Variants in RIMS2 observed in about 807,000 individuals in gnomAD.
RIMS2 encodes the protein regulating synaptic membrane exocytosis 2, also known as regulating synaptic membrane exocytosis protein 2.
Under a neutral mutation model 174.4 loss-of-function variants are expected in RIMS2, and 59 were observed. The ratio of observed to expected loss-of-function variants is 0.34; its 90% CI spans 0.27 to 0.42. The LOEUF (loss-of-function observed/expected upper bound fraction) is 0.42, where lower values mean the gene tolerates loss of function less well. RIMS2 is among the 10% of genes least tolerant of loss of function. RIMS2 has a pLI of 1.00. For missense variants in RIMS2, 1,620 were observed against 1,666.3 expected (o/e 0.97, Z 0.48); for synonymous variants, 606 against 572.5 (o/e 1.06, Z -0.84).
intron 19 of RIMS2, among the ~76,000 whole-genome samples, chr8:104,132,982 G>T (rs1468755265): frequency 6.6e-6 from 1 of 152,154 alleles, no homozygotes; most frequent in East Asian, 1.9e-4. Context: ...TAATTCTGAT[G>T]CAGGTTAAAG....
At chr8:103,791,761 G>C (rs1262526113) in intron 3 of RIMS2, among the ~76,000 whole-genome samples, 1 of 151,962 alleles carries the variant, frequency 6.6e-6, no homozygotes, top group Non-Finnish European at 1.5e-5. Context: ...AAAAGGTAGG[G>C]GTTGCAATCC....
intron 19 of RIMS2, among the ~76,000 whole-genome samples, chr8:104,201,151 G>A (rs2099052878): frequency 6.6e-6 from 1 of 151,964 alleles, no homozygotes; most frequent in South Asian, 2.1e-4. Context: ...CCTCAAGTAG[G>A]CCCTGGTGTC....
intron 2 of RIMS2, among the ~76,000 whole-genome samples, chr8:103,754,741 A>G (rs1009100576): frequency 2.0e-5 from 3 of 152,166 alleles, no homozygotes; most frequent in Non-Finnish European, 2.9e-5. Flanking sequence ...ATCAGAGACT[A>G]GGATTATAAC....
At chr8:103,612,090 G>A (rs1564010955) in intron 1 of RIMS2, among the ~76,000 whole-genome samples, 3 of 152,054 alleles carry the variant, frequency 2.0e-5, no homozygotes, top group Admixed American at 2.0e-4. Flanking sequence ...TCTTCAGCAT[G>A]TCAGTTGCAT....
chr8:103,983,309 C>T (rs2094073712), intron 16 of RIMS2, among the ~76,000 whole-genome samples: 1 of 152,156 alleles, frequency 6.6e-6, no homozygotes, highest in Admixed American at 6.5e-5. Context: ...TGATGTTAAA[C>T]TTTCTATACT....
intron 2 of RIMS2, among the ~76,000 whole-genome samples, chr8:103,756,372 G>T (rs200979230): frequency 0.013 from 1,722 of 135,648 alleles, 19 homozygotes; most frequent in South Asian, 0.05. Context: ...AGAGTTTTTT[G>T]TTGTTGTTGT....
At position 104,002,781 on chromosome 8, in the gene RIMS2, A is replaced by G. The variant is rs1275483799; in HGVS notation, c.3045-10661A>G. 4.6e-5 allele frequency among the ~76,000 whole-genome samples: 7 copies of G among 152,192 alleles called. No individual in the cohort carries two copies. In the South Asian group the frequency reaches 1.0e-3, roughly 23 times the overall value. On this transcript the variant is annotated intron_variant, in intron 17 of 23. Transcript: ENST00000504942. The stretch of plus-strand genomic sequence containing the variant: ...TTCACTGGTCTCTCTACCCTGGGGT[A>G]TAACATGAAAAGTTATGAGGACTAC...
At chr8:103,719,120 A>G (rs941605469) in intron 2 of RIMS2, among the ~76,000 whole-genome samples, 4 of 152,220 alleles carry the variant, frequency 2.6e-5, no homozygotes, top group Non-Finnish European at 4.4e-5. Context: ...AAGTTAAAAA[A>G]AAATGTAGCT....
chr8:103,518,564 T>G (rs970538047), intron 1 of RIMS2, among the ~76,000 whole-genome samples: 2 of 151,762 alleles, frequency 1.3e-5, no homozygotes, highest in Non-Finnish European at 2.9e-5. Context: ...ATTTTAATAT[T>G]AATTTATATA....
In RIMS2 at chr8:104,135,613, C is replaced by CAAAAA. The variant is rs35163912; in HGVS notation, c.3335-109285_3335-109281dup. Among the ~76,000 whole-genome samples the CAAAAA allele has an allele frequency of 7.9e-4, 63 of 79,536 alleles. 1 individual carries two copies. Among genetic ancestry groups the CAAAAA allele is most frequent in the Middle Eastern group, 6.8e-3 (1 of 146 alleles). 52.2% of individuals were successfully genotyped at this position (79,536 alleles called of 152,430 possible). A position where few individuals can be genotyped will look rare whatever the true frequency, so the allele number is the denominator to read the frequency against. On this transcript the variant is annotated intron_variant, in intron 19 of 23. Transcript: ENST00000504942. ...AGAGTGAGACCTTGTCTCCCAACCT[C>CAAAAA]AAAAAAAAAAAAAAAAAAAAAAGAA...
At chr8:103,811,594 G>A (rs937720335) in intron 3 of RIMS2, among the ~76,000 whole-genome samples, 4 of 151,994 alleles carry the variant, frequency 2.6e-5, no homozygotes, top group East Asian at 1.9e-4. Context: ...ACAGGCACCC[G>A]CCGCTACATC....
At chr8:103,847,003 T>C (rs1212600973) in intron 3 of RIMS2, among the ~76,000 whole-genome samples, 1 of 152,090 alleles carries the variant, frequency 6.6e-6, no homozygotes, top group Non-Finnish European at 1.5e-5. Flanking sequence ...GTAACAGATG[T>C]GTTACTTGCT....
chr8:104,074,940 T>TTA (rs2097262190), intron 19 of RIMS2, among the ~76,000 whole-genome samples: 1 of 152,156 alleles, frequency 6.6e-6, no homozygotes. Context: ...TTAGATAGCC[T>TTA]TATATATATT....
chr8:104,013,880 G>A (rs2154553953), intron 18 of RIMS2, among the ~76,000 whole-genome samples: 1 of 152,196 alleles, frequency 6.6e-6, no homozygotes, highest in South Asian at 2.1e-4. Flanking sequence ...GGTAAATTCT[G>A]TCATTAACTG....
At chr8:104,090,990 T>C (rs2097646207) in intron 19 of RIMS2, among the ~76,000 whole-genome samples, 1 of 151,832 alleles carries the variant, frequency 6.6e-6, no homozygotes, top group South Asian at 2.1e-4. Context: ...TTGTCATCAT[T>C]TGTTATCACT....
At chr8:103,989,778 T>C (rs1271605592) in intron 17 of RIMS2, among the ~76,000 whole-genome samples, 1 of 152,228 alleles carries the variant, frequency 6.6e-6, no homozygotes, top group Non-Finnish European at 1.5e-5. Flanking sequence ...ATAAATACTT[T>C]CATGAGACAA....
At chr8:103,610,724 G>C (rs759014120) in intron 1 of RIMS2, among the ~76,000 whole-genome samples, 2 of 152,122 alleles carry the variant, frequency 1.3e-5, no homozygotes, top group African/African-American at 4.8e-5. Context: ...TGCTGGATTT[G>C]ATTTGCTAAT....
intron 19 of RIMS2, among the ~76,000 whole-genome samples, chr8:104,161,213 G>GA (rs2098758867): frequency 6.6e-6 from 1 of 152,064 alleles, no homozygotes; most frequent in African/African-American, 2.4e-5. Context: ...TGTAATAGTG[G>GA]AAATGATTCC....
intron 19 of RIMS2, among the ~76,000 whole-genome samples, chr8:104,121,734 G>A (rs1048511314): frequency 1.3e-5 from 2 of 152,096 alleles, no homozygotes; most frequent in Admixed American, 1.3e-4. Context: ...GGCCGAGATG[G>A]GAGGATCACT....
Sources: gnomAD v4.1 joint callset for allele counts (sites outside exome capture counted in the v4.1 genomes callset) on GRCh38, gnomAD v4.1.1 for gene constraint, MANE v1.5 for transcripts, NCBI Gene and HGNC (gene_info 2026-07-23, HGNC 2026-07-21) for gene names.